The following PDCD10 variants were observed in gnomAD, a reference collection of about 807,000 sequenced individuals.
PDCD10 encodes programmed cell death protein 10.
Under a neutral mutation model 29.2 loss-of-function variants are expected in PDCD10, and 4 were observed. The observed-to-expected ratio is 0.14, with a 90% CI of 0.07 to 0.31. The LOEUF is 0.31. Ranked by LOEUF, PDCD10 falls within the 10% of genes least tolerant of loss-of-function variation. The probability of loss-of-function intolerance (pLI) is 1.00; values close to 1 mark genes in which losing one functional copy is unlikely to be tolerated. For synonymous variants in PDCD10, 70 were observed against 82.2 expected (o/e 0.85, Z 0.80); for missense variants, 183 against 257.9 (o/e 0.71, Z 1.99).
chr3:167,720,661 C>T (rs1292599863), intron 2 of PDCD10, among the ~76,000 whole-genome samples: 2 of 151,952 alleles, frequency 1.3e-5, no homozygotes, highest in African/African-American at 2.4e-5. Flanking sequence ...TCAGGAAATG[C>T]ATGATGTGTA....
Position 167,684,160 on chromosome 3 carries a change from G to A in PDCD10, c.*148C>T. ...ATTAAGCTACATTTTACAAAAATAT[G>A]GTGTAAGATGGCAATAATCCCATTC... On this transcript the variant is annotated 3_prime_UTR_variant, in exon 9 of 9. Coordinates refer to ENST00000392750, the MANE Select transcript of PDCD10 (RefSeq NM_007217.4). The A allele has an allele frequency of 5.0e-6, 3 of 602,220 alleles. No homozygotes were observed. Among genetic ancestry groups the A allele is most frequent in the Non-Finnish European group, 9.1e-6 (3 of 328,620 alleles). The allele number at this position is 602,220 out of a possible 1,614,324, so 37.3% of individuals were successfully genotyped here.
chr3:167,711,711 G>A (rs924555864), intron 3 of PDCD10, among the ~76,000 whole-genome samples: 3 of 151,962 alleles, frequency 2.0e-5, no homozygotes, highest in East Asian at 1.9e-4. Context: ...AGACTGTGTC[G>A]AGGCATTTAA....
chr3:167,724,239 C>T (rs1428095014), intron 2 of PDCD10, among the ~76,000 whole-genome samples: 1 of 152,200 alleles, frequency 6.6e-6, no homozygotes, highest in African/African-American at 2.4e-5. Flanking sequence ...AGGCACTTCT[C>T]AGTTAGAAAA....
chr3:167,733,205 A>T (rs949791620), intron 2 of PDCD10, among the ~76,000 whole-genome samples: 3 of 152,234 alleles, frequency 2.0e-5, no homozygotes, highest in Non-Finnish European at 4.4e-5. Context: ...GTAAGCTATG[A>T]TTTATTACAT....
intron 6 of PDCD10, among the ~76,000 whole-genome samples, chr3:167,691,406 T>C (rs780947247): frequency 1.7e-4 from 26 of 152,312 alleles, no homozygotes; most frequent in Non-Finnish European, 3.2e-4. Flanking sequence ...AAAACAGAAC[T>C]GAAGTATTAT....
intron 8 of PDCD10, among the ~76,000 whole-genome samples, chr3:167,685,412 A>T (rs1334399992): frequency 6.6e-6 from 1 of 151,386 alleles, no homozygotes; most frequent in Non-Finnish European, 1.5e-5. Context: ...AAAAAAAAAA[A>T]AAAAAAAAGA....
chr3:167,699,049 A>G (rs1307700472), intron 4 of PDCD10, among the ~76,000 whole-genome samples: 5 of 152,320 alleles, frequency 3.3e-5, no homozygotes, highest in Middle Eastern at 3.4e-3. Context: ...AAAATAATAC[A>G]CATAAATTGA....
At chr3:167,709,351 T>C (rs780169666) in intron 3 of PDCD10, among the ~76,000 whole-genome samples, 6 of 152,162 alleles carry the variant, frequency 3.9e-5, no homozygotes, top group Non-Finnish European at 7.3e-5. Flanking sequence ...AAAGACCATC[T>C]TGAAACACTG....
At chr3:167,684,698 G>T (rs1577313851) in intron 8 of PDCD10, among the ~76,000 whole-genome samples, 1 of 152,140 alleles carries the variant, frequency 6.6e-6, no homozygotes, top group South Asian at 2.1e-4. Flanking sequence ...TTCAGATGTG[G>T]TCTCCAGCTG....
intron 2 of PDCD10, among the ~76,000 whole-genome samples, chr3:167,728,263 TTTGGAA>T (rs1483223292): frequency 6.6e-6 from 1 of 151,960 alleles, no homozygotes; most frequent in African/African-American, 2.4e-5. Context: ...TTCCAAATGC[TTTGGAA>T]TTAAATGAAA....
At position 167,704,913 on chromosome 3, in the gene PDCD10, AATT is replaced by A; in HGVS notation, c.97-21_97-19del. On this transcript the variant is annotated intron_variant, in intron 3 of 8. Coordinates refer to ENST00000392750, the MANE Select transcript of PDCD10 (RefSeq NM_007217.4). ...CGTTCTAGCTGCAATAAAAATTTTA[AATT>A]ATTATGAATATCAACTTTCTTGGAA... The A allele has an allele frequency of 6.6e-7, 1 of 1,522,110 alleles. No individual in the cohort carries two copies. The highest frequency in any genetic ancestry group is 2.3e-5 in the East Asian group (1 of 43,572). 94.3% of individuals were successfully genotyped at this position (1,522,110 alleles called of 1,614,324 possible). A position where few individuals can be genotyped will look rare whatever the true frequency, so the allele number is the denominator to read the frequency against.
chr3:167,692,202 C>T (rs1720317978), intron 6 of PDCD10, among the ~76,000 whole-genome samples: 1 of 152,098 alleles, frequency 6.6e-6, no homozygotes, highest in African/African-American at 2.4e-5. Context: ...ACAATTTATC[C>T]TTTTACAGGC....
At chr3:167,703,598 C>T (rs894785290) in intron 4 of PDCD10, among the ~76,000 whole-genome samples, 2 of 151,844 alleles carry the variant, frequency 1.3e-5, no homozygotes, top group African/African-American at 4.8e-5. Context: ...TTACCTAAAA[C>T]ACAGGTTATT....
At chr3:167,695,186 T>C (rs1205556088) in intron 6 of PDCD10, among the ~76,000 whole-genome samples, 1 of 152,218 alleles carries the variant, frequency 6.6e-6, no homozygotes, top group African/African-American at 2.4e-5. Flanking sequence ...TAGAGGCTAT[T>C]TGGTCAGTCT....
intron 2 of PDCD10, among the ~76,000 whole-genome samples, chr3:167,729,283 CA>C (rs1472967830): frequency 2.0e-4 from 31 of 152,180 alleles, no homozygotes; most frequent in African/African-American, 7.2e-4. Flanking sequence ...TGTTAGTCTA[CA>C]ACGTGTATTT....
chr3:167,687,954 CA>C (rs1719802598), intron 6 of PDCD10, among the ~76,000 whole-genome samples: 1 of 152,150 alleles, frequency 6.6e-6, no homozygotes, highest in Non-Finnish European at 1.5e-5. Flanking sequence ...CCAACTTTCT[CA>C]AATCAATCAC....
chr3:167,721,189 T>C (rs920111416), intron 2 of PDCD10, among the ~76,000 whole-genome samples: 1 of 152,174 alleles, frequency 6.6e-6, no homozygotes, highest in African/African-American at 2.4e-5. Context: ...GTAAAGCATT[T>C]TCATAGTATA....
chr3:167,687,590 C>T, intron 7 of PDCD10, 25 bp downstream of exon 7: 2 of 1,355,324 alleles, frequency 1.5e-6, no homozygotes, highest in East Asian at 4.6e-5. Flanking sequence ...AGGGTGTCAA[C>T]TAGCAAGGCT....
At chr3:167,697,165 G>C (rs745838756) in intron 4 of PDCD10, 39 bp from the exon 5 acceptor site, 1 of 1,097,860 alleles carries the variant, frequency 9.1e-7, no homozygotes, top group Non-Finnish European at 1.4e-6. Flanking sequence ...ATACAGATAA[G>C]GAATCAACAT....
Sources: gnomAD v4.1 joint callset for allele counts (sites outside exome capture counted in the v4.1 genomes callset) on GRCh38, gnomAD v4.1.1 for gene constraint, MANE v1.5 for transcripts, NCBI Gene and HGNC (gene_info 2026-07-23, HGNC 2026-07-21) for gene names.